The following ANKH variants were observed in gnomAD, a reference collection of about 807,000 sequenced individuals.
ANKH encodes mineralization regulator ANKH.
In ANKH, 15 loss-of-function variants were observed where a neutral mutation model predicts 49.0. The ratio of observed to expected loss-of-function variants is 0.31; its 90% CI spans 0.20 to 0.47. The LOEUF (loss-of-function observed/expected upper bound fraction) is 0.47. Ranked by LOEUF, ANKH falls within the 20% of genes least tolerant of loss-of-function variation. The probability of loss-of-function intolerance (pLI) is 1.00; values close to 1 mark genes in which losing one functional copy is unlikely to be tolerated. For synonymous variants in ANKH, 273 were observed against 260.0 expected (o/e 1.05, Z -0.48); for missense variants, 429 against 652.0 (o/e 0.66, Z 3.72).
chr5:14,817,607 T>C (rs1318677238), intron 1 of ANKH, among the ~76,000 whole-genome samples: 1 of 152,096 alleles, frequency 6.6e-6, no homozygotes, highest in East Asian at 1.9e-4. Flanking sequence ...TGATACAGAG[T>C]GACATCTGCC....
In ANKH at chr5:14,758,585, T is replaced by C. The variant is rs113374603; in HGVS notation, c.327A>G (p.Leu109=). The C allele has an allele frequency of 6.2e-7, 1 of 1,609,476 alleles. No homozygotes were observed. The highest frequency in any genetic ancestry group is 8.5e-7 in the Non-Finnish European group (1 of 1,175,708). ...VFHTLIAYSD[L]GYYIINKLHH... The stretch of plus-strand genomic sequence containing the variant: ...GCAGTTTATTGATAATGTAGTATCC[T>C]AAATCACTATAAGCTGCAAAGTGTC... Residue 109 remains leucine, a synonymous_variant, in exon 3 of 12, where the codon TTA becomes TTG. Coordinates refer to ENST00000284268, the MANE Select transcript of ANKH (RefSeq NM_054027.6).
chr5:14,716,935 G>C, intron 8 of ANKH, 100 bp from the exon 9 acceptor site: 1 of 1,493,390 alleles, frequency 6.7e-7, no homozygotes, highest in Non-Finnish European at 9.2e-7. Flanking sequence ...TACGAAAGAG[G>C]GACAACCGGC....
intron 1 of ANKH, among the ~76,000 whole-genome samples, chr5:14,840,575 T>C (rs1370911176): frequency 6.6e-6 from 1 of 152,226 alleles, no homozygotes; most frequent in Non-Finnish European, 1.5e-5. Flanking sequence ...GTGACAGTTG[T>C]TCTAATGGTT....
At chr5:14,728,835 CCTTA>C (rs1737902031) in intron 8 of ANKH, among the ~76,000 whole-genome samples, 1 of 152,184 alleles carries the variant, frequency 6.6e-6, no homozygotes, top group South Asian at 2.1e-4. Context: ...AACTGACACG[CCTTA>C]CTGAGACGCA....
intron 1 of ANKH, among the ~76,000 whole-genome samples, chr5:14,834,299 C>T (rs1741591862): frequency 6.6e-6 from 1 of 152,128 alleles, no homozygotes; most frequent in Non-Finnish European, 1.5e-5. Flanking sequence ...TTGGTAAATG[C>T]TCAGTCTCTG....
At chr5:14,715,649 T>C (rs966971005) in intron 9 of ANKH, among the ~76,000 whole-genome samples, 5 of 152,220 alleles carry the variant, frequency 3.3e-5, no homozygotes, top group African/African-American at 1.2e-4. Flanking sequence ...AGCAGCTTGG[T>C]GAGTTACTTA....
At chr5:14,729,709 G>T (rs1323226720) in intron 8 of ANKH, among the ~76,000 whole-genome samples, 3 of 152,096 alleles carry the variant, frequency 2.0e-5, no homozygotes, top group Non-Finnish European at 4.4e-5. Flanking sequence ...ACCTTGCAAT[G>T]GTGGGGTAGG....
chr5:14,837,583 C>T (rs1376633249), intron 1 of ANKH, among the ~76,000 whole-genome samples: 1 of 152,208 alleles, frequency 6.6e-6, no homozygotes, highest in Non-Finnish European at 1.5e-5. Flanking sequence ...GATACCATCT[C>T]ACACCAGTTA....
chr5:14,787,728 A>G (rs938803167), intron 1 of ANKH, among the ~76,000 whole-genome samples: 1 of 152,248 alleles, frequency 6.6e-6, no homozygotes, highest in African/African-American at 2.4e-5. Context: ...CTGACAGGTC[A>G]CTGGCGTGCT....
intron 2 of ANKH, chr5:14,768,765 CAG>C (rs1739329722): frequency 4.9e-6 from 3 of 610,026 alleles, no homozygotes; most frequent in Non-Finnish European, 8.7e-6. Flanking sequence ...CTTTGGGAAT[CAG>C]AGACACAAAA....
intron 1 of ANKH, among the ~76,000 whole-genome samples, chr5:14,822,551 A>G (rs1302407386): frequency 6.6e-6 from 1 of 152,234 alleles, no homozygotes; most frequent in African/African-American, 2.4e-5. Context: ...TTATGTAATC[A>G]TTTTATTGTA....
At position 14,725,041 on chromosome 5, in the gene ANKH, GA is replaced by G. The variant is rs891053727; in HGVS notation, c.1012-8207del. 5.3e-5 allele frequency among the ~76,000 whole-genome samples: 8 copies of G among 152,018 alleles called. No homozygotes were observed. Among genetic ancestry groups the G allele is most frequent in the African/African-American group, 1.9e-4 (8 of 41,400 alleles). On this transcript the variant is annotated intron_variant, in intron 8 of 11. Transcript: ENST00000284268. The surrounding 1 kb of genome is among the most constrained non-coding windows in gnomAD (Gnocchi z 4.0). ...TCATTTTTATTTGGCGCTTTTGCTT[GA>G]AAAAAAGGTTCAATATACCTTTTTA...
intron 1 of ANKH, among the ~76,000 whole-genome samples, chr5:14,809,125 A>T (rs1191055967): frequency 4.8e-5 from 6 of 124,668 alleles, no homozygotes; most frequent in Admixed American, 8.3e-5. Context: ...CATAGGTGGG[A>T]ATTGAACAAT....
At chr5:14,769,476 G>A (rs1390951926) in intron 1 of ANKH, among the ~76,000 whole-genome samples, 1 of 152,032 alleles carries the variant, frequency 6.6e-6, no homozygotes, top group Non-Finnish European at 1.5e-5. Context: ...ATTCTAAGAA[G>A]TTTTGGTTAA....
chr5:14,758,655 C>CT, intron 2 of ANKH, 57 bp from the exon 3 acceptor site: 1 of 1,256,874 alleles, frequency 8.0e-7, no homozygotes, highest in Non-Finnish European at 1.2e-6. Context: ...TCTTTATATT[C>CT]TTTTTGTTTC....
chr5:14,805,677 A>G (rs1740691019), intron 1 of ANKH, among the ~76,000 whole-genome samples: 2 of 151,898 alleles, frequency 1.3e-5, no homozygotes, highest in Non-Finnish European at 2.9e-5. Flanking sequence ...CCCAATCCAT[A>G]CATTTCTTTC....
chr5:14,734,482 G>C (rs982115677), intron 8 of ANKH, among the ~76,000 whole-genome samples: 1 of 152,176 alleles, frequency 6.6e-6, no homozygotes, highest in Admixed American at 6.5e-5. Flanking sequence ...TTTTATATTC[G>C]AGTACTATGT....
chr5:14,750,114 G>GT (rs768163099), intron 5 of ANKH, among the ~76,000 whole-genome samples: 2 of 152,200 alleles, frequency 1.3e-5, no homozygotes, highest in Non-Finnish European at 2.9e-5. Flanking sequence ...TCAGATGGAG[G>GT]TAAGTGGTCA....
intron 2 of ANKH, among the ~76,000 whole-genome samples, chr5:14,765,425 G>A (rs918300828): frequency 3.3e-5 from 5 of 152,108 alleles, no homozygotes; most frequent in African/African-American, 1.2e-4. Flanking sequence ...AGGTTTGCCT[G>A]GGTGGGAAGA....
Sources: gnomAD v4.1 joint callset for allele counts (sites outside exome capture counted in the v4.1 genomes callset) on GRCh38, gnomAD v4.1.1 for gene constraint, Gnocchi (gnomAD v3.1) non-coding constraint, MANE v1.5 for transcripts, NCBI Gene and HGNC (gene_info 2026-07-23, HGNC 2026-07-21) for gene names.